IDH1: variants seen among roughly 807,000 people sequenced by gnomAD.
IDH1 encodes isocitrate dehydrogenase [NADP] cytoplasmic.
A neutral mutation model predicts 46.1 loss-of-function variants in IDH1; 33 were observed. The observed-to-expected ratio is 0.72, with a 90% confidence interval of 0.54 to 0.96. The LOEUF (loss-of-function observed/expected upper bound fraction) is 0.96. IDH1 is among the 40% of genes least tolerant of loss of function. The pLI is 0.00. For synonymous variants in IDH1, 144 were observed against 172.8 expected (o/e 0.83, Z 1.31); for missense variants, 421 against 515.7 (o/e 0.82, Z 1.78).
chr2:208,251,404 G>T (rs1416007034), intron 3 of IDH1, 26 bp downstream of exon 3: 1 of 1,611,112 alleles, frequency 6.2e-7, no homozygotes. Context: ...TTCTGAGTTT[G>T]CTACACGGAG....
intron 3 of IDH1, 66 bp from the exon 4 acceptor site, chr2:208,248,726 G>A: frequency 7.0e-7 from 1 of 1,423,364 alleles, no homozygotes; most frequent in Non-Finnish European, 9.9e-7. Flanking sequence ...TACAACTGCA[G>A]TGATGGCATA....
chr2:208,239,279 T>C lies in IDH1; in HGVS notation c.992-46A>G, dbSNP rs769274104. The C allele has an allele frequency of 5.6e-6, 9 of 1,599,530 alleles. No homozygotes were observed. In the African/African-American group the frequency reaches 6.7e-5, roughly 12 times the overall value. ...CACAACACTCCAATCATCCTAGTTA[T>C]AGAGGTTTCCAAATGTCTCATAGTT... On this transcript the variant is annotated intron_variant, in intron 8 of 9. Transcript: ENST00000345146.
chr2:208,237,119 C>T lies in IDH1; in HGVS notation c.1205G>A (p.Gly402Glu), dbSNP rs1231130403. Residue 402 changes from glycine (G) to glutamate (E), a missense_variant, in exon 10 of 10, where the codon GGA (glycine) becomes GAA (glutamate). Gly to Glu is a moderately conservative substitution (Grantham distance 98, BLOSUM62 -2). Coordinates refer to ENST00000345146, the MANE Select transcript of IDH1 (RefSeq NM_005896.4). ...AGCTAGTTTGATCTTCAAGTTTTCTCCAAGTTTATCCATGAACTCAAATGT... is the reference window on the plus strand; with the variant it reads ...AGCTAGTTTGATCTTCAAGTTTTCTTCAAGTTTATCCATGAACTCAAATGT... ...LNTFEFMDKL[G>E]ENLKIKLAQA... The T allele has an allele frequency of 1.9e-6, 3 of 1,610,128 alleles. No homozygotes were observed. In the Admixed American group the frequency reaches 5.0e-5, roughly 27 times the overall value.
intron 6 of IDH1, among the ~76,000 whole-genome samples, chr2:208,242,502 G>A (rs1371475801): frequency 6.6e-6 from 1 of 152,114 alleles, no homozygotes; most frequent in Non-Finnish European, 1.5e-5. Flanking sequence ...TGAAAAGACT[G>A]TTCTACTTCT....
In IDH1 at chr2:208,242,118, T is replaced by G. The variant is rs377075054; in HGVS notation, c.726A>C (p.Gln242His). The G allele has an allele frequency of 6.2e-7, 1 of 1,613,944 alleles. No individual in the cohort carries two copies. Among genetic ancestry groups the G allele is most frequent in the Admixed American group, 1.7e-5 (1 of 60,014 alleles). Residue 242 changes from glutamine to histidine, a missense_variant, in exon 7 of 10, where the codon CAA (glutamine) becomes CAC (histidine). By Grantham distance (24) the Gln-to-His change is conservative. Coordinates refer to ENST00000345146, the MANE Select transcript of IDH1 (RefSeq NM_005896.4). ...TGAGCCTATGCTCATACCAGATCTT[T>G]TGAGCTTCAAACTGGGACTTGTACT... is the stretch of plus-strand genomic sequence containing the variant. ...DKQYKSQFEA[Q>H]KIWYEHRLID...
intron 2 of IDH1, 107 bp from the exon 3 acceptor site, chr2:208,251,674 A>T (rs1688127982): frequency 1.2e-6 from 1 of 810,196 alleles, no homozygotes; most frequent in East Asian, 2.6e-5. Context: ...CTAAAAGAAC[A>T]ATTCATGCAA....
chr2:208,248,660 G>T lies in IDH1; in HGVS notation c.123C>A (p.Ser41Arg), dbSNP rs2124864103. The T allele has an allele frequency of 6.2e-7, 1 of 1,613,734 alleles. No homozygotes were observed. The highest frequency in any genetic ancestry group is 8.5e-7 in the Non-Finnish European group (1 of 1,179,798). ...IFPYVELDLH[S>R]YDLGIENRDA... ...CACGATTCTCTATGCCTAAATCATA[G>T]CTTGAAAGAGAAAAATTAGAAGCAA... The change falls in exon 4 of 10, where the codon AGC becomes AGA. Residue 41 changes from serine (S) to arginine (R), a missense_variant and splice_region_variant. Physicochemically the swap from Ser to Arg is moderately radical, Grantham distance 110 (BLOSUM62 -1). Coordinates refer to ENST00000345146, the MANE Select transcript of IDH1 (RefSeq NM_005896.4).
intron 4 of IDH1, 96 bp downstream of exon 4, chr2:208,248,273 A>G (rs1370325573): frequency 1.9e-6 from 2 of 1,075,106 alleles, no homozygotes; most frequent in Non-Finnish European, 1.4e-6. Flanking sequence ...ATGGGTGTAG[A>G]TACCAAAAGA....
intron 4 of IDH1, chr2:208,248,041 A>G (rs1688054797): frequency 2.9e-6 from 1 of 339,110 alleles, no homozygotes; most frequent in African/African-American, 2.2e-5. Flanking sequence ...CCAGTGTTGA[A>G]AACCACAGAT....
chr2:208,248,998 T>C (rs577252447), intron 3 of IDH1, among the ~76,000 whole-genome samples: 1 of 152,302 alleles, frequency 6.6e-6, no homozygotes, highest in South Asian at 2.1e-4. Flanking sequence ...ATAATTAGTA[T>C]AATAAGTGTA....
At chr2:208,247,966 G>A (rs1331364459) in intron 4 of IDH1, 2 of 247,226 alleles carry the variant, frequency 8.1e-6, no homozygotes, top group African/African-American at 4.7e-5. Context: ...CTAAAACAAA[G>A]AAACAAATCA....
At position 208,237,098 on chromosome 2, in the gene IDH1, A is replaced by T; in HGVS notation, c.1226T>A (p.Leu409Gln). ...ATGAACTTAAAGTTTGGCCTGAGCT[A>T]GTTTGATCTTCAAGTTTTCTCCAAG... is the stretch of plus-strand genomic sequence containing the variant. ...DKLGENLKIK[L>Q]AQAKL The change falls in exon 10 of 10, where the codon CTA becomes CAA. Residue 409 changes from leucine (L) to glutamine (Q), a missense_variant. Leu to Gln is a moderately radical substitution (Grantham distance 113). Coordinates refer to ENST00000345146, the MANE Select transcript of IDH1 (RefSeq NM_005896.4). The T allele has an allele frequency of 6.3e-7, 1 of 1,598,088 alleles. No homozygotes were observed. The highest frequency in any genetic ancestry group is 8.6e-7 in the Non-Finnish European group (1 of 1,166,034).
At chr2:208,250,270 T>C (rs1268584928) in intron 3 of IDH1, among the ~76,000 whole-genome samples, 2 of 148,700 alleles carry the variant, frequency 1.3e-5, no homozygotes, top group South Asian at 2.2e-4. Context: ...TACTGTCATG[T>C]AAAGTCCTGA....
rs1333623539 is a variant in IDH1 at position 208,251,175 on chromosome 2, T to C, written c.122+255A>G. 6 of 357,728 alleles carry C rather than the reference T, an allele frequency of 1.7e-5. No individual in the cohort carries two copies. The South Asian group carries it at 1.7e-4, about 10-fold the overall frequency. The allele number at this position is 357,728 out of a possible 1,614,324, so 22.2% of individuals were successfully genotyped here. On this transcript the variant is annotated intron_variant, in intron 3 of 9. Transcript: ENST00000345146. ...TTCACAAAACACAGCTATATCTATA[T>C]AAAAAAAGCTAACTTCACCTCAAAA...
At chr2:208,244,346 G>A (rs1687978261) in intron 5 of IDH1, among the ~76,000 whole-genome samples, 1 of 152,128 alleles carries the variant, frequency 6.6e-6, no homozygotes, top group Admixed American at 6.6e-5. Flanking sequence ...TTTCTTTATA[G>A]CAACGCAAGA....
chr2:208,249,720 GCAAA>G (rs1174188806), intron 3 of IDH1, among the ~76,000 whole-genome samples: 1 of 152,152 alleles, frequency 6.6e-6, no homozygotes, highest in Non-Finnish European at 1.5e-5. Context: ...AACTCATGAT[GCAAA>G]CAAAGAGATA....
chr2:208,250,786 C>T (rs971615377), intron 3 of IDH1, among the ~76,000 whole-genome samples: 1 of 152,128 alleles, frequency 6.6e-6, no homozygotes, highest in Admixed American at 6.5e-5. Flanking sequence ...TAAGAAACAT[C>T]ATGAATTCTT....
At chr2:208,248,788 A>G in intron 3 of IDH1, 128 bp from the exon 4 acceptor site, 2 of 817,066 alleles carry the variant, frequency 2.4e-6, no homozygotes, top group Non-Finnish European at 4.0e-6. Context: ...AAATCTGCCA[A>G]GTTTTAGCAC....
In IDH1 at chr2:208,239,856, AT is replaced by A. The variant is rs1687884370; in HGVS notation, c.991+6del. 6.2e-7 allele frequency: 1 copy of A among 1,613,988 alleles called. No individual in the cohort carries two copies. The highest frequency in any genetic ancestry group is 1.3e-5 in the African/African-American group (1 of 74,920). ...CTGGTGAGAAATCAATGTAAACACC[AT>A]CTTACCAATGGGATTGGTGGACGTC... On this transcript the variant is annotated splice_donor_region_variant and intron_variant, in intron 8 of 9. Transcript: ENST00000345146.
Sources: gnomAD v4.1 joint callset for allele counts (sites outside exome capture counted in the v4.1 genomes callset) on GRCh38, gnomAD v4.1.1 for gene constraint, MANE v1.5 for transcripts, NCBI Gene and HGNC (gene_info 2026-07-23, HGNC 2026-07-21) for gene names.